Variants in PUM2 observed in about 807,000 individuals in gnomAD.
The protein encoded by PUM2 is pumilio homolog 2.
A neutral mutation model predicts 124.5 loss-of-function variants in PUM2; 57 were observed. The observed-to-expected ratio is 0.46, with a 90% confidence interval of 0.37 to 0.57. PUM2 has a LOEUF of 0.57. Ranked by LOEUF, PUM2 falls within the 20% of genes least tolerant of loss-of-function variation. The probability of loss-of-function intolerance (pLI) is 0.00; values close to 1 mark genes in which losing one functional copy is unlikely to be tolerated. For missense variants in PUM2, 1,065 were observed against 1,290.6 expected (o/e 0.83, Z 2.68); for synonymous variants, 460 against 446.1 (o/e 1.03, Z -0.39).
intron 2 of PUM2, among the ~76,000 whole-genome samples, chr2:20,323,736 C>G (rs948232661): frequency 1.3e-5 from 2 of 151,820 alleles, no homozygotes; most frequent in African/African-American, 4.8e-5. Context: ...GAAAACTGAC[C>G]AAGGTTACAC....
At position 20,260,531 on chromosome 2, in the gene PUM2, C is replaced by CCT; in HGVS notation, c.2226-67_2226-66dup. Reference sequence around the variant, plus strand: ...AATACACTTGAGTATTACACCCTACCCTTCCACATATATGCACTGCAAGTT... The same window carrying CCT: ...AATACACTTGAGTATTACACCCTACCCTCTTCCACATATATGCACTGCAAGTT... On this transcript the variant is annotated intron_variant, in intron 14 of 20. Coordinates refer to ENST00000361078, the MANE Select transcript of PUM2 (RefSeq NM_015317.5). 3.6e-6 allele frequency: 5 copies of CCT among 1,406,756 alleles called. No homozygotes were observed. In the South Asian group the frequency reaches 6.3e-5, roughly 18 times the overall value. The allele number at this position is 1,406,756 out of a possible 1,614,324, so 87.1% of individuals were successfully genotyped here. A position where few individuals can be genotyped will look rare whatever the true frequency, so the allele number is the denominator to read the frequency against.
chr2:20,251,766 A>G, intron 20 of PUM2, 50 bp from the exon 21 acceptor site: 2 of 1,588,020 alleles, frequency 1.3e-6, no homozygotes, highest in East Asian at 2.2e-5. Context: ...TTAGTTTCTG[A>G]TTTCTTAAAA....
At chr2:20,322,284 A>G (rs1682563608) in intron 2 of PUM2, among the ~76,000 whole-genome samples, 1 of 152,180 alleles carries the variant, frequency 6.6e-6, no homozygotes, top group South Asian at 2.1e-4. Flanking sequence ...AGAGGTAAGA[A>G]CAGATCCTCA....
intron 2 of PUM2, among the ~76,000 whole-genome samples, chr2:20,323,087 A>G (rs988908224): frequency 1.3e-5 from 2 of 152,180 alleles, no homozygotes; most frequent in African/African-American, 4.8e-5. Context: ...AAGTACTATT[A>G]TGTGGCCTTG....
chr2:20,261,726 A>C (rs543831750), intron 14 of PUM2, among the ~76,000 whole-genome samples: 2 of 152,308 alleles, frequency 1.3e-5, no homozygotes, highest in African/African-American at 4.8e-5. Context: ...TTTGTGTCTT[A>C]GTTCTTAACA....
intron 1 of PUM2, among the ~76,000 whole-genome samples, chr2:20,333,685 G>GA (rs1485206344): frequency 1.3e-5 from 2 of 151,980 alleles, no homozygotes; most frequent in African/African-American, 2.4e-5. Flanking sequence ...GGCCAATATA[G>GA]AAAGATCACT....
In PUM2 at chr2:20,312,252, A is replaced by T; in HGVS notation, c.332T>A (p.Phe111Tyr). ...SSPADKLDSR[F>Y]RKGNFGTRDA... is the part of the protein sequence containing the mutation. ...AATACTTACAAAATTTCCCTTCCTA[A>T]ATCGAGAATCCAATTTATCAGCAGG... The change falls in exon 4 of 21, where the codon TTT becomes TAT. Residue 111 changes from phenylalanine to tyrosine, a missense_variant. Phe to Tyr is a conservative substitution (Grantham distance 22). This residue lies in a region of PUM2 where 968 missense variants were observed against 1,159.8 expected (regional missense o/e 0.83). Transcript: ENST00000361078. 6.2e-7 allele frequency: 1 copy of T among 1,604,070 alleles called. No individual in the cohort carries two copies. Among genetic ancestry groups the T allele is most frequent in the Non-Finnish European group, 8.5e-7 (1 of 1,175,036 alleles).
upstream of PUM2, among the ~76,000 whole-genome samples, chr2:20,351,063 T>TC (rs1390447103): frequency 2.6e-5 from 4 of 152,130 alleles, no homozygotes; most frequent in African/African-American, 9.6e-5. Flanking sequence ...GGCTCGCGCT[T>TC]CCCTCCTGGG....
chr2:20,348,649 G>A (rs1688709032), intron 1 of PUM2, among the ~76,000 whole-genome samples: 1 of 152,256 alleles, frequency 6.6e-6, no homozygotes, highest in African/African-American at 2.4e-5. Flanking sequence ...TTATAAACAA[G>A]CCGGGTGTGG....
At chr2:20,345,570 C>T (rs910667427) in intron 1 of PUM2, among the ~76,000 whole-genome samples, 1 of 151,812 alleles carries the variant, frequency 6.6e-6, no homozygotes, top group Non-Finnish European at 1.5e-5. Flanking sequence ...ACATCTGCAA[C>T]GCTCAAAAAA....
intron 10 of PUM2, 82 bp downstream of exon 10, chr2:20,290,570 G>A: frequency 1.5e-6 from 2 of 1,370,078 alleles, no homozygotes; most frequent in Non-Finnish European, 1.9e-6. Context: ...AATACAGTTT[G>A]ATTTTTTTCA....
chr2:20,315,060 C>T (rs1167680589), intron 3 of PUM2, among the ~76,000 whole-genome samples: 2 of 124,884 alleles, frequency 1.6e-5, no homozygotes, highest in Non-Finnish European at 3.4e-5. Flanking sequence ...AAGTGTGCTT[C>T]TTTTTTTTTT....
chr2:20,269,227 G>C (rs1224060200), intron 13 of PUM2, among the ~76,000 whole-genome samples: 1 of 151,914 alleles, frequency 6.6e-6, no homozygotes, highest in Non-Finnish European at 1.5e-5. Flanking sequence ...TTGAGACGGA[G>C]TGCCACTCTG....
At chr2:20,276,029 ATAT>A (rs1277498111) in intron 13 of PUM2, among the ~76,000 whole-genome samples, 8 of 152,166 alleles carry the variant, frequency 5.3e-5, no homozygotes, top group Admixed American at 1.3e-4. Context: ...AGAACCTCAG[ATAT>A]TATACTATAA....
intron 1 of PUM2, among the ~76,000 whole-genome samples, chr2:20,349,214 A>G (rs1307749799): frequency 3.9e-5 from 6 of 152,382 alleles, no homozygotes; most frequent in Non-Finnish European, 1.5e-5. Flanking sequence ...ACTGGCAATT[A>G]TAACTCAAAA....
intron 5 of PUM2, among the ~76,000 whole-genome samples, chr2:20,309,204 C>A (rs1305700341): frequency 6.6e-6 from 1 of 152,084 alleles, no homozygotes; most frequent in Non-Finnish European, 1.5e-5. Flanking sequence ...CAAGTCATGT[C>A]ATCTTTCAAG....
At chr2:20,345,851 A>G (rs1222961675) in intron 1 of PUM2, among the ~76,000 whole-genome samples, 1 of 152,216 alleles carries the variant, frequency 6.6e-6, no homozygotes, top group Middle Eastern at 3.2e-3. Flanking sequence ...CAGCCTGGGC[A>G]ACAAGAGCGA....
intron 1 of PUM2, among the ~76,000 whole-genome samples, chr2:20,328,865 G>GTT (rs1399143447): frequency 6.6e-6 from 1 of 152,168 alleles, no homozygotes; most frequent in Non-Finnish European, 1.5e-5. Flanking sequence ...AATTGAAAAT[G>GTT]TTGTATTTAG....
intron 10 of PUM2, among the ~76,000 whole-genome samples, chr2:20,288,618 A>C (rs1673272105): frequency 6.6e-6 from 1 of 152,232 alleles, no homozygotes; most frequent in African/African-American, 2.4e-5. Context: ...GATATAAAGC[A>C]GAAGAGTTAA....
Sources: gnomAD v4.1 joint callset for allele counts (sites outside exome capture counted in the v4.1 genomes callset) on GRCh38, gnomAD v4.1.1 for gene constraint, gnomAD v4.1.1 regional missense constraint, MANE v1.5 for transcripts, NCBI Gene and HGNC (gene_info 2026-07-23, HGNC 2026-07-21) for gene names.